The following FBXL13 variants were observed in gnomAD, a reference collection of about 807,000 sequenced individuals.
The protein encoded by FBXL13 is F-box and leucine-rich repeat protein 13.
In FBXL13, 67 loss-of-function variants were observed where a neutral mutation model predicts 83.6. The observed-to-expected ratio is 0.80, with a 90% CI of 0.66 to 0.98. The LOEUF is 0.98. Among genes scored for constraint, FBXL13 ranks in the 50% least tolerant of loss-of-function variants. The pLI, the probability that FBXL13 is intolerant of heterozygous loss-of-function variation, is 0.00. For missense variants in FBXL13, 822 were observed against 866.5 expected (o/e 0.95, Z 0.64); for synonymous variants, 272 against 299.5 (o/e 0.91, Z 0.95).
intron 18 of FBXL13, among the ~76,000 whole-genome samples, chr7:102,823,926 T>C (rs1194999030): frequency 6.6e-6 from 1 of 152,046 alleles, no homozygotes; most frequent in Non-Finnish European, 1.5e-5. Flanking sequence ...ACTAGGTTGA[T>C]CTCTGAGGAT....
At chr7:102,850,262 A>C (rs1006563025) in intron 17 of FBXL13, among the ~76,000 whole-genome samples, 4 of 152,166 alleles carry the variant, frequency 2.6e-5, no homozygotes, top group African/African-American at 9.7e-5. Flanking sequence ...CACAGAATCA[A>C]AAAAGAATGA....
chr7:102,830,453 G>A (rs1800465247), intron 18 of FBXL13, among the ~76,000 whole-genome samples: 1 of 152,186 alleles, frequency 6.6e-6, no homozygotes, highest in African/African-American at 2.4e-5. Context: ...GAGTCAGTTG[G>A]TCAGCGCTTC....
At chr7:102,999,371 C>T (rs1425429636) in intron 6 of FBXL13, among the ~76,000 whole-genome samples, 1 of 152,052 alleles carries the variant, frequency 6.6e-6, no homozygotes, top group East Asian at 1.9e-4. Context: ...GGATATTAGC[C>T]TGTGGTTTTC....
chr7:103,022,172 C>A (rs1793261037), intron 6 of FBXL13, among the ~76,000 whole-genome samples: 1 of 152,090 alleles, frequency 6.6e-6, no homozygotes, highest in African/African-American at 2.4e-5. Context: ...GAGTTCATGT[C>A]CTTTGTAGGG....
intron 6 of FBXL13, among the ~76,000 whole-genome samples, chr7:103,018,605 C>T (rs1320092332): frequency 6.6e-6 from 1 of 151,966 alleles, no homozygotes; most frequent in Non-Finnish European, 1.5e-5. Flanking sequence ...CACACATAGG[C>T]TCAAAATAAA....
chr7:102,983,001 G>A (rs1828444546), intron 6 of FBXL13, among the ~76,000 whole-genome samples: 1 of 152,068 alleles, frequency 6.6e-6, no homozygotes, highest in Non-Finnish European at 1.5e-5. Flanking sequence ...TCAGATTTCA[G>A]TCTGTATAAG....
At chr7:102,902,637 C>G (rs1813108660) in intron 11 of FBXL13, among the ~76,000 whole-genome samples, 1 of 152,114 alleles carries the variant, frequency 6.6e-6, no homozygotes, top group African/African-American at 2.4e-5. Flanking sequence ...TGTTATTCTT[C>G]TCCATATGGA....
At chr7:103,036,024 T>C (rs1282337613) in intron 2 of FBXL13, among the ~76,000 whole-genome samples, 1 of 152,178 alleles carries the variant, frequency 6.6e-6, no homozygotes, top group African/African-American at 2.4e-5. Context: ...CATTACCTCC[T>C]GAGCTCCACC....
chr7:103,022,187 G>C lies in FBXL13; in HGVS notation c.495+2876C>G, dbSNP rs540631446. Among the ~76,000 whole-genome samples, 119 of 152,228 alleles carry C rather than the reference G, an allele frequency of 7.8e-4. 1 individual carries two copies. Among genetic ancestry groups the C allele is most frequent in the African/African-American group, 2.8e-3 (115 of 41,510 alleles). On this transcript the variant is annotated intron_variant, in intron 6 of 19. Coordinates refer to ENST00000313221, the Ensembl canonical transcript of FBXL13. ...GAGTTCATGTCCTTTGTAGGGACAT[G>C]GATGAAGCTGGAAACCATCATTCTC...
intron 16 of FBXL13, among the ~76,000 whole-genome samples, chr7:102,873,244 T>C (rs1179188724): frequency 6.6e-6 from 1 of 152,224 alleles, no homozygotes; most frequent in Non-Finnish European, 1.5e-5. Flanking sequence ...AAAGCTGTCT[T>C]GCAAGTGAAT....
chr7:102,998,720 A>G (rs1179260542), intron 6 of FBXL13, among the ~76,000 whole-genome samples: 1 of 152,072 alleles, frequency 6.6e-6, no homozygotes, highest in Non-Finnish European at 1.5e-5. Flanking sequence ...TAATCCCAGC[A>G]CTTTGGGAGG....
chr7:102,884,759 A>G (rs1369859689), intron 11 of FBXL13, among the ~76,000 whole-genome samples: 1 of 152,214 alleles, frequency 6.6e-6, no homozygotes, highest in Non-Finnish European at 1.5e-5. Flanking sequence ...TCATCACCCA[A>G]AAGGAAATCC....
At chr7:103,014,944 AAAAG>A (rs1792102148) in intron 6 of FBXL13, among the ~76,000 whole-genome samples, 1 of 150,372 alleles carries the variant, frequency 6.7e-6, no homozygotes, top group East Asian at 2.0e-4. Flanking sequence ...AAAAAAAAAA[AAAAG>A]AAAATACTAG....
chr7:102,952,735 G>A (rs1475384936), intron 8 of FBXL13, among the ~76,000 whole-genome samples: 1 of 152,176 alleles, frequency 6.6e-6, no homozygotes, highest in Non-Finnish European at 1.5e-5. Flanking sequence ...TGTAATCTCA[G>A]CACTTTGAGA....
chr7:102,998,172 T>C (rs909865046), intron 6 of FBXL13, among the ~76,000 whole-genome samples: 15 of 152,262 alleles, frequency 9.9e-5, no homozygotes, highest in Admixed American at 9.8e-4. Context: ...CATATACTTT[T>C]TGGCCATTTG....
chr7:103,063,373 A>G (rs1164834360), intron 1 of FBXL13, among the ~76,000 whole-genome samples: 1 of 152,238 alleles, frequency 6.6e-6, no homozygotes, highest in Non-Finnish European at 1.5e-5. Context: ...TCTAAAGATG[A>G]TTTAAAGTAT....
chr7:102,956,653 A>G lies in FBXL13; in HGVS notation c.724+6880T>C, dbSNP rs1032802114. The stretch of plus-strand genomic sequence containing the variant: ...GAAAACCCCATCATCTCAGCCCAAA[A>G]TCTCCTTAAGGTGATAAGCAACTTC... On this transcript the variant is annotated intron_variant, in intron 8 of 19. Transcript: ENST00000313221. Among the ~76,000 whole-genome samples, 4 of 152,250 alleles carry G rather than the reference A, an allele frequency of 2.6e-5. No homozygotes were observed. The South Asian group carries it at 6.2e-4, about 24-fold the overall frequency.
intron 16 of FBXL13, among the ~76,000 whole-genome samples, chr7:102,868,655 T>G (rs1409298181): frequency 6.6e-6 from 1 of 151,588 alleles, no homozygotes; most frequent in Non-Finnish European, 1.5e-5. Context: ...TCCTTTGTGG[T>G]TTTTTTGTTT....
At chr7:103,041,608 A>C (rs1360668202) in intron 2 of FBXL13, among the ~76,000 whole-genome samples, 2 of 152,246 alleles carry the variant, frequency 1.3e-5, no homozygotes, top group Non-Finnish European at 2.9e-5. Flanking sequence ...GCAGCACATC[A>C]AAAAGCTTAT....
Sources: allele counts gnomAD v4.1 joint callset (sites outside exome capture counted in the v4.1 genomes callset), GRCh38; gene constraint gnomAD v4.1.1; transcripts MANE v1.5; gene names NCBI Gene and HGNC (gene_info 2026-07-23, HGNC 2026-07-21).